RUFY3: variants seen among roughly 807,000 people sequenced by gnomAD.
RUFY3 encodes protein RUFY3.
In RUFY3, 34 loss-of-function variants were observed where a neutral mutation model predicts 84.0. The ratio of observed to expected loss-of-function variants is 0.40; its 90% confidence interval spans 0.31 to 0.54. The LOEUF (loss-of-function observed/expected upper bound fraction) is 0.54, where lower values mean the gene tolerates loss of function less well. Among genes scored for constraint, RUFY3 ranks in the 20% least tolerant of loss-of-function variants. The pLI, the probability that RUFY3 is intolerant of heterozygous loss-of-function variation, is 0.39. For synonymous variants in RUFY3, 242 were observed against 252.9 expected (o/e 0.96, Z 0.41); for missense variants, 507 against 736.8 (o/e 0.69, Z 3.61).
At chr4:70,756,547 A>T (rs534225607) in intron 1 of RUFY3, among the ~76,000 whole-genome samples, 4 of 152,046 alleles carry the variant, frequency 2.6e-5, no homozygotes, top group Admixed American at 6.5e-5. Context: ...GTTCTTCCAT[A>T]CTTCTGTACC....
chr4:70,736,276 A>AGTGT (rs1720279015), intron 1 of RUFY3, among the ~76,000 whole-genome samples: 1 of 152,222 alleles, frequency 6.6e-6, no homozygotes, highest in African/African-American at 2.4e-5. Flanking sequence ...GTAAGTCACA[A>AGTGT]GATACAGAAA....
chr4:70,744,185 T>A (rs1350441448), intron 1 of RUFY3, among the ~76,000 whole-genome samples: 1 of 152,152 alleles, frequency 6.6e-6, no homozygotes, highest in Non-Finnish European at 1.5e-5. Flanking sequence ...TTGGCTTTTT[T>A]AAAATTTTAT....
intron 1 of RUFY3, among the ~76,000 whole-genome samples, chr4:70,723,706 C>T (rs72654397): frequency 0.13 from 19,454 of 152,048 alleles, 1,669 homozygotes; most frequent in Middle Eastern, 0.18. Context: ...AAACAAAAAA[C>T]GCTTGCATAT....
At chr4:70,716,397 C>T (rs1315217611) in intron 1 of RUFY3, among the ~76,000 whole-genome samples, 3 of 152,110 alleles carry the variant, frequency 2.0e-5, no homozygotes, top group African/African-American at 7.2e-5. Context: ...CCACCTGCCT[C>T]AGCCTCCCGA....
intron 5 of RUFY3, 36 bp downstream of exon 5, chr4:70,768,697 C>CT (rs1403432621): frequency 6.2e-7 from 1 of 1,604,042 alleles, no homozygotes; most frequent in Non-Finnish European, 8.5e-7. Context: ...GGGTGTCACT[C>CT]TGAGTTCTGC....
At chr4:70,707,086 C>G (rs1211016850) in intron 1 of RUFY3, among the ~76,000 whole-genome samples, 3 of 152,188 alleles carry the variant, frequency 2.0e-5, no homozygotes, top group African/African-American at 7.2e-5. Flanking sequence ...TGGACTCCCT[C>G]ATTGTTAAAG....
chr4:70,734,110 G>A (rs557434410), intron 1 of RUFY3, among the ~76,000 whole-genome samples: 2 of 151,856 alleles, frequency 1.3e-5, no homozygotes, highest in Non-Finnish European at 2.9e-5. Flanking sequence ...ATTTTATTTT[G>A]GGTTTTTTTC....
intron 12 of RUFY3, chr4:70,789,803 TAAA>T: frequency 3.5e-6 from 3 of 856,282 alleles, no homozygotes; most frequent in Admixed American, 5.2e-5. Context: ...GACTAGCCTT[TAAA>T]AAAAAAAAAG....
chr4:70,768,475 TC>T lies in RUFY3; in HGVS notation c.573-61del, dbSNP rs994094071. ...TTCAACCATGAATCAACCATTTTTG[TC>T]CTTGTCTCTGGATTTTTGAGATTTT... On this transcript the variant is annotated intron_variant, in intron 4 of 17. Transcript: ENST00000381006. The T allele has an allele frequency of 7.3e-5, 113 of 1,551,378 alleles. 1 individual carries two copies. In the Admixed American group the frequency reaches 2.0e-3, roughly 27 times the overall value.
chr4:70,740,320 A>AG (rs1364428711), intron 1 of RUFY3, among the ~76,000 whole-genome samples: 1 of 152,362 alleles, frequency 6.6e-6, no homozygotes, highest in East Asian at 1.9e-4. Context: ...TGTTTTAAGA[A>AG]GAAAACAGAA....
chr4:70,764,859 C>T (rs1725581417), intron 4 of RUFY3, among the ~76,000 whole-genome samples: 1 of 152,090 alleles, frequency 6.6e-6, no homozygotes. Flanking sequence ...CTCAATAAGA[C>T]AAGAACTTGA....
exon 1 of RUFY3, chr4:70,704,908 C>G (rs2148543403): frequency 8.3e-7 from 1 of 1,202,566 alleles, no homozygotes; most frequent in East Asian, 3.4e-5. Flanking sequence ...GGGCGCGAAT[C>G]GGAGGCTGCG....
At chr4:70,730,321 C>T (rs1719028919) in intron 1 of RUFY3, among the ~76,000 whole-genome samples, 3 of 152,146 alleles carry the variant, frequency 2.0e-5, no homozygotes, top group Admixed American at 2.0e-4. Flanking sequence ...AAATATACAT[C>T]TGGCCTGATT....
intron 10 of RUFY3, among the ~76,000 whole-genome samples, chr4:70,788,231 G>A (rs959284295): frequency 4.6e-5 from 7 of 151,196 alleles, no homozygotes; most frequent in African/African-American, 1.5e-4. Context: ...GTTGCAGTGA[G>A]CCAAGACTGA....
intron 8 of RUFY3, among the ~76,000 whole-genome samples, chr4:70,780,258 T>G (rs1728682809): frequency 6.6e-6 from 1 of 152,134 alleles, no homozygotes; most frequent in South Asian, 2.1e-4. Context: ...CTCTGGCACT[T>G]GCTAGTTTTT....
chr4:70,805,776 C>A (rs1732771111), intron 17 of RUFY3, among the ~76,000 whole-genome samples: 1 of 152,194 alleles, frequency 6.6e-6, no homozygotes, highest in East Asian at 1.9e-4. Context: ...CTACTCCTCT[C>A]AACCTCAGGA....
At chr4:70,783,884 T>C (rs544381073) in intron 9 of RUFY3, among the ~76,000 whole-genome samples, 2 of 152,334 alleles carry the variant, frequency 1.3e-5, no homozygotes, top group South Asian at 4.1e-4. Flanking sequence ...TCTCTTACTT[T>C]TTACTGATGC....
At chr4:70,775,476 G>A (rs906657511) in intron 7 of RUFY3, among the ~76,000 whole-genome samples, 20 of 151,134 alleles carry the variant, frequency 1.3e-4, no homozygotes, top group African/African-American at 3.6e-4. Context: ...ATAATATTAC[G>A]TATGTAATTA....
intron 8 of RUFY3, among the ~76,000 whole-genome samples, chr4:70,781,319 A>G (rs1243240942): frequency 6.6e-6 from 1 of 152,082 alleles, no homozygotes; most frequent in Non-Finnish European, 1.5e-5. Context: ...CCCCATCTCT[A>G]CACCAAAAAA....
Sources: allele counts gnomAD v4.1 joint callset (sites outside exome capture counted in the v4.1 genomes callset), GRCh38; gene constraint gnomAD v4.1.1; transcripts MANE v1.5; gene names NCBI Gene and HGNC (gene_info 2026-07-23, HGNC 2026-07-21).